Variants in TBL3 observed in about 807,000 individuals in gnomAD.
The protein encoded by TBL3 is transducin beta like 3, also known as transducin beta-like protein 3.
A neutral mutation model predicts 102.7 loss-of-function variants in TBL3; 71 were observed. The observed-to-expected ratio is 0.69, with a 90% CI of 0.57 to 0.84. The LOEUF is 0.84. Ranked by LOEUF, TBL3 falls within the 40% of genes least tolerant of loss-of-function variation. TBL3 has a pLI of 0.00. For synonymous variants in TBL3, 578 were observed against 477.7 expected, an observed-to-expected ratio of 1.21 and a Z score of -2.74; for missense variants, 1,188 against 1,098.5, an observed-to-expected ratio of 1.08 and a Z score of -1.15.
intron 1 of TBL3, among the ~76,000 whole-genome samples, chr16:1,972,674 C>T (rs1192808717): frequency 6.6e-6 from 1 of 152,200 alleles, no homozygotes; most frequent in Non-Finnish European, 1.5e-5. Context: ...CCCGTCACTC[C>T]CCAAGCCTTT....
rs569880971 is a variant in TBL3 at position 1,976,694 on chromosome 16, C to G, written c.1293-120C>G. ...TGCCTGGGGGTGACCCAGGCCAACC[C>G]GCATCCTGGGACAGGCCCCGTGGTC... is the stretch of plus-strand genomic sequence containing the variant. On this transcript the variant is annotated intron_variant, in intron 13 of 21. Coordinates refer to ENST00000568546, the MANE Select transcript of TBL3 (RefSeq NM_006453.3). 3.2e-6 allele frequency: 4 copies of G among 1,269,052 alleles called. No individual in the cohort carries two copies. In the South Asian group the frequency reaches 4.2e-5, roughly 13 times the overall value. The allele number at this position is 1,269,052 out of a possible 1,614,324, so 78.6% of individuals were successfully genotyped here. A position where few individuals can be genotyped will look rare whatever the true frequency, so the allele number is the denominator to read the frequency against.
Position 1,972,123 on chromosome 16 carries a change from G to A in TBL3, c.-42G>A, listed in dbSNP as rs776369762. 6.8e-7 allele frequency: 1 copy of A among 1,470,296 alleles called. No homozygotes were observed. The highest frequency in any genetic ancestry group is 9.0e-7 in the Non-Finnish European group (1 of 1,108,738). 91.1% of individuals were successfully genotyped at this position (1,470,296 alleles called of 1,614,324 possible). On this transcript the variant is annotated 5_prime_UTR_variant, in exon 1 of 22. Transcript: ENST00000568546. ...CCTCCCTCACGCGGCGGTGGCTGCC[G>A]GGACCCTAGCAGGTTTCAGCTGGAG... is the stretch of plus-strand genomic sequence containing the variant.
rs184454078 is a variant in TBL3 at position 1,974,388 on chromosome 16, G to A, written c.202G>A (p.Asp68Asn). The stretch of plus-strand genomic sequence containing the variant: ...CTCTTTCTCCTAGGAGGACCAGGAG[G>A]ACATCACTGCCTTTGACCTCAGCCC... ...LRSLEQEDQE[D>N]ITAFDLSPDN... The change falls in exon 4 of 22, where the codon GAC becomes AAC. Residue 68 changes from aspartate to asparagine, a missense_variant. Coordinates refer to ENST00000568546, the MANE Select transcript of TBL3 (RefSeq NM_006453.3). The A allele has an allele frequency of 6.2e-7, 1 of 1,610,794 alleles. No homozygotes were observed. Among genetic ancestry groups the A allele is most frequent in the Non-Finnish European group, 8.5e-7 (1 of 1,178,250 alleles).
At position 1,974,225 on chromosome 16, in the gene TBL3, G is replaced by A; in HGVS notation, c.122G>A (p.Cys41Tyr). Residue 41 changes from cysteine to tyrosine, a missense_variant, in exon 3 of 22, where the codon TGC becomes TAC. Cys to Tyr is a radical substitution (Grantham distance 194). Coordinates refer to ENST00000568546, the MANE Select transcript of TBL3 (RefSeq NM_006453.3). ...QLDQTGQHLF[C>Y]VCGTRVNILE... Reference sequence around the variant, plus strand: ...GACCAGACTGGCCAGCACCTCTTCTGCGTCTGTGGCACCAGAGTCAACATT... The same window carrying A: ...GACCAGACTGGCCAGCACCTCTTCTACGTCTGTGGCACCAGAGTCAACATT... 1 of 1,602,666 alleles carries A rather than the reference G, an allele frequency of 6.2e-7. No individual in the cohort carries two copies. Among genetic ancestry groups the A allele is most frequent in the Non-Finnish European group, 8.5e-7 (1 of 1,173,662 alleles).
In TBL3 at chr16:1,978,864, CCCTGG is replaced by C. The variant is rs2083431483; in HGVS notation, c.*186_*190del. On this transcript the variant is annotated 3_prime_UTR_variant, in exon 22 of 22. Transcript: ENST00000568546. ...TCGGCCCTGCCACGCCCATCCCGCA[CCCTGG>C]CCTGGCAGAGATCCAGCCCGCGGCT... 6 of 1,098,654 alleles carry C rather than the reference CCCTGG, an allele frequency of 5.5e-6. No individual in the cohort carries two copies. The highest frequency in any genetic ancestry group is 6.4e-6 in the Non-Finnish European group (5 of 779,218). 68.1% of individuals were successfully genotyped at this position (1,098,654 alleles called of 1,614,324 possible).
rs761443794 is a variant in TBL3, at chr16:1,974,536, A to G, written c.238-2A>G. On this transcript the variant is annotated splice_acceptor_variant, in intron 4 of 21. Coordinates refer to ENST00000568546, the MANE Select transcript of TBL3 (RefSeq NM_006453.3). LOFTEE classifies it high-confidence loss of function. ...CCTCTGCTGACCTGTACCCTCCCCC[A>G]GGTGCTGGTGACAGCCAGTCGGGCA... 1 of 1,603,160 alleles carries G rather than the reference A, an allele frequency of 6.2e-7. No individual in the cohort carries two copies. Among genetic ancestry groups the G allele is most frequent in the Non-Finnish European group, 8.5e-7 (1 of 1,172,896 alleles).
chr16:1,979,335 G>T lies in TBL3; in HGVS notation c.*650G>T. On this transcript the variant is annotated 3_prime_UTR_variant, in exon 22 of 22. Coordinates refer to ENST00000568546, the MANE Select transcript of TBL3 (RefSeq NM_006453.3). The stretch of plus-strand genomic sequence containing the variant: ...CAGCAGCACCGCGGGGAGTAGGCCC[G>T]CCCGGTCGCCGTACCTGCGAGGGGC... 1 of 1,574,770 alleles carries T rather than the reference G, an allele frequency of 6.4e-7. No homozygotes were observed.
rs2083428060 is a variant in TBL3, at chr16:1,978,671, G to A, written c.2413G>A (p.Gly805Ser). 7 of 1,611,904 alleles carry A rather than the reference G, an allele frequency of 4.3e-6. No homozygotes were observed. Among genetic ancestry groups the A allele is most frequent in the Non-Finnish European group, 5.9e-6 (7 of 1,179,432 alleles). Residue 805 changes from glycine (G) to serine (S), a missense_variant, in exon 22 of 22, where the codon GGC becomes AGC. Coordinates refer to ENST00000568546, the MANE Select transcript of TBL3 (RefSeq NM_006453.3). ...AAPTPWETHKGALP is the reference protein window; with the variant it reads ...AAPTPWETHKSALP The stretch of plus-strand genomic sequence containing the variant: ...CCCCACCCCCTGGGAAACCCATAAA[G>A]GCGCACTGCCCTAGCCGGTCCGGCC...
In TBL3 at chr16:1,977,452, A is replaced by AT. The variant is rs753056992; in HGVS notation, c.1742+27dup. ...GTGAGTGGGCTGGGGTGGGGCAGCG[A>AT]TGGAGTGGGGGGTGGCGGGGGGACC... On this transcript the variant is annotated intron_variant, in intron 16 of 21. Coordinates refer to ENST00000568546, the MANE Select transcript of TBL3 (RefSeq NM_006453.3). 6 of 680,026 alleles carry AT rather than the reference A, an allele frequency of 8.8e-6. No individual in the cohort carries two copies. In the Middle Eastern group the frequency reaches 1.2e-3, roughly 130 times the overall value. 42.1% of individuals were successfully genotyped at this position (680,026 alleles called of 1,614,324 possible). A position where few individuals can be genotyped will look rare whatever the true frequency, so the allele number is the denominator to read the frequency against.
chr16:1,974,450 C>A, intron 4 of TBL3, 27 bp downstream of exon 4: 1 of 1,595,418 alleles, frequency 6.3e-7, no homozygotes, highest in South Asian at 1.1e-5. Context: ...CTGGAGGGGA[C>A]CCGCTCCAGC....
In TBL3 at chr16:1,980,771, C is replaced by T. The variant is rs1312619407; in HGVS notation, c.*2086C>T. 59 of 1,554,766 alleles carry T rather than the reference C, an allele frequency of 3.8e-5. No homozygotes were observed. Among genetic ancestry groups the T allele is most frequent in the Non-Finnish European group, 5.2e-5 (59 of 1,142,406 alleles). On this transcript the variant is annotated 3_prime_UTR_variant, in exon 22 of 22. Coordinates refer to ENST00000568546, the MANE Select transcript of TBL3 (RefSeq NM_006453.3). The stretch of plus-strand genomic sequence containing the variant: ...CAGGGCATTGGTCTTCCAGAGCCCA[C>T]TGTGCACCCTTGAGAGGGCGGGGTC...
rs760821092 is a variant in TBL3, at chr16:1,979,413, G to T, written c.*728G>T. ...CGGCTAGCCTGCCCTGCCCACGCCC[G>T]CTCCCGCGTACCTGCATAGCCACCA... On this transcript the variant is annotated 3_prime_UTR_variant, in exon 22 of 22. Coordinates refer to ENST00000568546, the MANE Select transcript of TBL3 (RefSeq NM_006453.3). 2.4e-5 allele frequency: 39 copies of T among 1,604,118 alleles called. No individual in the cohort carries two copies. The Admixed American group carries it at 6.4e-4, about 26-fold the overall frequency.
rs542256990 is a variant in TBL3, at chr16:1,979,450, A to G, written c.*765A>G. On this transcript the variant is annotated 3_prime_UTR_variant, in exon 22 of 22. Coordinates refer to ENST00000568546, the MANE Select transcript of TBL3 (RefSeq NM_006453.3). ...CTGCATAGCCACCAGCCGCGGTCTG[A>G]CGTTTCCAACACGCGCACGCGCGCC... The G allele has an allele frequency of 1.1e-5, 17 of 1,611,018 alleles. No homozygotes were observed. Among genetic ancestry groups the G allele is most frequent in the Admixed American group, 5.0e-5 (3 of 59,918 alleles).
At position 1,972,299 on chromosome 16, in the gene TBL3, G is replaced by A. The variant is rs949411351; in HGVS notation, c.41+94G>A. On this transcript the variant is annotated intron_variant, in intron 1 of 21. Transcript: ENST00000568546. ...GTGGGGTGGGCACGCATTGGGGTCCGTGGAGGCGAGAGGCTGTGTGTGCGC... is the reference window on the plus strand; with the variant it reads ...GTGGGGTGGGCACGCATTGGGGTCCATGGAGGCGAGAGGCTGTGTGTGCGC... 7 of 1,232,950 alleles carry A rather than the reference G, an allele frequency of 5.7e-6. No homozygotes were observed. In the East Asian group the frequency reaches 9.5e-5, roughly 17 times the overall value. The allele number at this position is 1,232,950 out of a possible 1,614,324, so 76.4% of individuals were successfully genotyped here. A position where few individuals can be genotyped will look rare whatever the true frequency, so the allele number is the denominator to read the frequency against.
rs1208387868 is a variant in TBL3 at position 1,979,954 on chromosome 16, C to T, written c.*1269C>T. The T allele has an allele frequency of 6.3e-7, 1 of 1,581,934 alleles. No individual in the cohort carries two copies. Among genetic ancestry groups the T allele is most frequent in the African/African-American group, 1.3e-5 (1 of 74,452 alleles). On this transcript the variant is annotated 3_prime_UTR_variant, in exon 22 of 22. Transcript: ENST00000568546. ...TCAAATCTCGAGGCTCCCTCGGGTC[C>T]AGGAGCAGAGGAGCAAATCCCTGGG...
At chr16:1,978,524 C>G (rs1341238091) in intron 21 of TBL3, 28 bp from the exon 22 acceptor site, 2 of 1,592,064 alleles carry the variant, frequency 1.3e-6, no homozygotes, top group Non-Finnish European at 1.7e-6. Context: ...GTGGACCACC[C>G]CCCTGACCTC....
At position 1,974,919 on chromosome 16, in the gene TBL3, C is replaced by T. The variant is rs577042822; in HGVS notation, c.465-9C>T. 42 of 1,612,118 alleles carry T rather than the reference C, an allele frequency of 2.6e-5. 1 individual carries two copies. Among genetic ancestry groups the T allele is most frequent in the South Asian group, 1.5e-4 (14 of 91,064 alleles). ...CACAGCTCACCCATCCTGTCCCGTCCGCCCACAGCCTAGTGGCCTTCCACC... is the reference window on the plus strand; with the variant it reads ...CACAGCTCACCCATCCTGTCCCGTCTGCCCACAGCCTAGTGGCCTTCCACC... On this transcript the variant is annotated splice_polypyrimidine_tract_variant and intron_variant, in intron 6 of 21. Transcript: ENST00000568546.
rs767557203 is a variant in TBL3 at position 1,976,898 on chromosome 16, C to T, written c.1377C>T (p.Asn459=). 1.9e-6 allele frequency: 3 copies of T among 1,614,000 alleles called. No homozygotes were observed. Among genetic ancestry groups the T allele is most frequent in the Non-Finnish European group, 2.5e-6 (3 of 1,180,012 alleles). The change falls in exon 14 of 22, where the codon AAC becomes AAT. Residue 459 remains asparagine, a synonymous_variant. Coordinates refer to ENST00000568546, the MANE Select transcript of TBL3 (RefSeq NM_006453.3). ...WPLPKALLSK[N]TAPDNGPILL... ...TTCCCAAAGCCTTGCTGTCCAAGAA[C>T]ACAGCCCCAGACAACGGCCCTATCC... is the stretch of plus-strand genomic sequence containing the variant.
At position 1,980,303 on chromosome 16, in the gene TBL3, C is replaced by CA. The variant is rs769420511; in HGVS notation, c.*1619dup. On this transcript the variant is annotated 3_prime_UTR_variant, in exon 22 of 22. Coordinates refer to ENST00000568546, the MANE Select transcript of TBL3 (RefSeq NM_006453.3). ...CCCCTATTCGCTGGCTGTTCCCCCC[C>CA]ACCCTGGACCTCTCCCAGCTCCAAA... 6.5e-7 allele frequency: 1 copy of CA among 1,541,060 alleles called. No individual in the cohort carries two copies. The highest frequency in any genetic ancestry group is 8.7e-7 in the Non-Finnish European group (1 of 1,146,514).
Sources: allele counts gnomAD v4.1 joint callset (sites outside exome capture counted in the v4.1 genomes callset), GRCh38; gene constraint gnomAD v4.1.1; transcripts MANE v1.5; gene names NCBI Gene and HGNC (gene_info 2026-07-23, HGNC 2026-07-21).